L3MBTL4: variants seen among roughly 807,000 people sequenced by gnomAD.
L3MBTL4 encodes the protein lethal(3)malignant brain tumor-like protein 4.
Under a neutral mutation model 84.5 loss-of-function variants are expected in L3MBTL4, and 70 were observed. That is an observed-to-expected ratio of 0.83 (90% CI 0.68 to 1.01). L3MBTL4 has a LOEUF of 1.01. Ranked by LOEUF, L3MBTL4 falls within the 50% of genes least tolerant of loss-of-function variation. L3MBTL4 has a pLI of 0.00. For missense variants in L3MBTL4, 715 were observed against 754.8 expected (o/e 0.95, Z 0.62); for synonymous variants, 274 against 259.8 (o/e 1.05, Z -0.52).
At chr18:6,263,886 T>C (rs547731559) in intron 5 of L3MBTL4, 61 bp downstream of exon 5, 1 of 1,148,748 alleles carries the variant, frequency 8.7e-7, no homozygotes, top group Admixed American at 1.7e-5. Context: ...AGTCATTTCA[T>C]TTAAACTAAA....
chr18:6,295,784 C>T (rs1305689799), intron 4 of L3MBTL4, among the ~76,000 whole-genome samples: 1 of 152,036 alleles, frequency 6.6e-6, no homozygotes, highest in African/African-American at 2.4e-5. Context: ...TTCAAAGTAG[C>T]TGATATGGTT....
intron 16 of L3MBTL4, among the ~76,000 whole-genome samples, chr18:6,016,444 A>G (rs2054983215): frequency 6.6e-6 from 1 of 152,088 alleles, no homozygotes; most frequent in African/African-American, 2.4e-5. Flanking sequence ...TTATCCTTTG[A>G]TTGTTCCACA....
At chr18:6,123,712 A>G (rs2059600283) in intron 14 of L3MBTL4, among the ~76,000 whole-genome samples, 1 of 152,254 alleles carries the variant, frequency 6.6e-6, no homozygotes, top group Non-Finnish European at 1.5e-5. Flanking sequence ...GAAGTGAGAA[A>G]TCACCTAATC....
chr18:5,986,526 C>T (rs1317799876), intron 16 of L3MBTL4, among the ~76,000 whole-genome samples: 7 of 152,228 alleles, frequency 4.6e-5, no homozygotes, highest in Non-Finnish European at 1.0e-4. Context: ...GCTTTCATCT[C>T]CCTTCATTGC....
chr18:6,355,134 A>G (rs1025158227), intron 1 of L3MBTL4, among the ~76,000 whole-genome samples: 3 of 152,206 alleles, frequency 2.0e-5, no homozygotes, highest in Non-Finnish European at 4.4e-5. Context: ...ATTTCCAACA[A>G]CATGGATAGA....
At chr18:6,337,158 G>C (rs1013474608) in intron 1 of L3MBTL4, among the ~76,000 whole-genome samples, 14 of 151,940 alleles carry the variant, frequency 9.2e-5, no homozygotes, top group African/African-American at 3.4e-4. Context: ...ACAATAAAAA[G>C]ACATAAAATG....
intron 16 of L3MBTL4, among the ~76,000 whole-genome samples, chr18:6,035,923 G>T (rs1470609300): frequency 1.3e-5 from 2 of 152,114 alleles, no homozygotes; most frequent in Non-Finnish European, 2.9e-5. Context: ...GCTAGCAGAA[G>T]GCAAGAAATA....
intron 5 of L3MBTL4, among the ~76,000 whole-genome samples, chr18:6,246,588 G>A (rs1414693339): frequency 5.9e-5 from 9 of 152,034 alleles, no homozygotes; most frequent in Non-Finnish European, 1.2e-4. Flanking sequence ...CCTATTTTGG[G>A]GTTAAAATTT....
Position 6,322,485 on chromosome 18 carries a change from GGAAGGAAGGAAGGAAGGAAA to G in L3MBTL4, c.-90-10449_-90-10430del, listed in dbSNP as rs1273975484. ...AGGAAGGAAGGAAGGAAGGAAGGAA[GGAAGGAAGGAAGGAAGGAAA>G]GAAGGAAAAAAAAAACAAACAAACA... is the stretch of plus-strand genomic sequence containing the variant. On this transcript the variant is annotated intron_variant, in intron 1 of 18. Coordinates refer to ENST00000317931, the MANE Select transcript of L3MBTL4 (RefSeq NM_001330559.2). 1.4e-3 allele frequency among the ~76,000 whole-genome samples: 206 copies of G among 144,146 alleles called. 3 individuals are homozygous for G. The highest frequency in any genetic ancestry group is 5.0e-3 in the African/African-American group (183 of 36,624). 94.6% of individuals were successfully genotyped at this position (144,146 alleles called of 152,430 possible).
chr18:5,956,508 C>T (rs1453014121), intron 18 of L3MBTL4, 121 bp from the exon 19 acceptor site: 1 of 771,142 alleles, frequency 1.3e-6, no homozygotes, highest in Non-Finnish European at 2.1e-6. Context: ...GTTGAGCTCA[C>T]CAGTGAGAGA....
intron 14 of L3MBTL4, among the ~76,000 whole-genome samples, chr18:6,130,069 G>A (rs1029327367): frequency 6.6e-6 from 1 of 152,084 alleles, no homozygotes; most frequent in Non-Finnish European, 1.5e-5. Context: ...TAAAGACTAT[G>A]TCTGTTTGAA....
intron 16 of L3MBTL4, among the ~76,000 whole-genome samples, chr18:6,060,694 A>C (rs12958644): frequency 0.099 from 15,069 of 152,040 alleles, 986 homozygotes; most frequent in Admixed American, 0.18. Context: ...TCTTTTTGCT[A>C]TCTCTGTAGC....
chr18:6,061,272 G>A (rs995693902), intron 16 of L3MBTL4, among the ~76,000 whole-genome samples: 2 of 151,926 alleles, frequency 1.3e-5, no homozygotes, highest in Non-Finnish European at 2.9e-5. Context: ...CTTTTAATAT[G>A]CTTATTTATC....
intron 16 of L3MBTL4, among the ~76,000 whole-genome samples, chr18:6,001,248 A>G (rs1273282780): frequency 6.6e-6 from 1 of 152,254 alleles, no homozygotes; most frequent in Non-Finnish European, 1.5e-5. Context: ...GTATGTGAAG[A>G]TAATTGCCTT....
chr18:6,115,723 A>G (rs2059337061), intron 14 of L3MBTL4, among the ~76,000 whole-genome samples: 1 of 152,240 alleles, frequency 6.6e-6, no homozygotes. Context: ...CATGGCATGA[A>G]GTAATCTTCA....
intron 13 of L3MBTL4, among the ~76,000 whole-genome samples, chr18:6,143,405 C>A (rs74546065): frequency 0.015 from 2,312 of 152,156 alleles, 61 homozygotes; most frequent in African/African-American, 0.053. Context: ...TGGGACCTAG[C>A]AATTTCCTCA....
At chr18:5,980,428 C>T (rs4798422) in intron 16 of L3MBTL4, among the ~76,000 whole-genome samples, 31,207 of 127,554 alleles carry the variant, frequency 0.24, 4,644 homozygotes, top group East Asian at 0.45. Context: ...AATTAGTTTG[C>T]GCTTTTTTTT....
chr18:6,162,920 C>T (rs57693989), intron 13 of L3MBTL4, among the ~76,000 whole-genome samples: 10 of 152,062 alleles, frequency 6.6e-5, no homozygotes, highest in South Asian at 6.2e-4. Context: ...AAATGGTGGA[C>T]GATAGGTGAG....
intron 1 of L3MBTL4, among the ~76,000 whole-genome samples, chr18:6,391,258 GA>G (rs2055038443): frequency 6.6e-6 from 1 of 152,018 alleles, no homozygotes; most frequent in African/African-American, 2.4e-5. Context: ...AATAGATACA[GA>G]AAAAGCATTT....
Sources: allele counts gnomAD v4.1 joint callset (sites outside exome capture counted in the v4.1 genomes callset), GRCh38; gene constraint gnomAD v4.1.1; transcripts MANE v1.5; gene names NCBI Gene and HGNC (gene_info 2026-07-23, HGNC 2026-07-21).